Variants in ABTB3 observed in about 807,000 individuals in gnomAD.
ABTB3 encodes ankyrin repeat- and BTB/POZ domain-containing protein 3.
At chr12:107,628,888 C>G in the ABTB3 span, among the ~76,000 whole-genome samples, 1 of 152,310 alleles carries the variant, frequency 6.6e-6, no homozygotes, top group African/African-American at 2.4e-5. Flanking sequence ...AGGGCCAGAA[C>G]TAGGACCCCC....
chr12:107,462,844 T>C, the ABTB3 span, among the ~76,000 whole-genome samples: 1 of 151,746 alleles, frequency 6.6e-6, no homozygotes, highest in African/African-American at 2.4e-5. Context: ...GTGGTGATGA[T>C]AATAGTAGTG....
At chr12:107,435,989 T>A in the ABTB3 span, among the ~76,000 whole-genome samples, 1 of 152,228 alleles carries the variant, frequency 6.6e-6, no homozygotes, top group Non-Finnish European at 1.5e-5. Context: ...TAAGTAGCCA[T>A]GCCTGACTAG....
the ABTB3 span, among the ~76,000 whole-genome samples, chr12:107,638,500 G>A: frequency 1.3e-5 from 2 of 152,266 alleles, no homozygotes; most frequent in South Asian, 4.1e-4. Flanking sequence ...TTTCTTTTCA[G>A]CACAGCCCCT....
chr12:107,629,785 T>A, the ABTB3 span, among the ~76,000 whole-genome samples: 1 of 152,150 alleles, frequency 6.6e-6, no homozygotes, highest in Non-Finnish European at 1.5e-5. Context: ...CAACCACCAC[T>A]CATTCCCGCC....
the ABTB3 span, among the ~76,000 whole-genome samples, chr12:107,478,532 GAATT>G: frequency 1.6e-4 from 24 of 152,262 alleles, no homozygotes; most frequent in Non-Finnish European, 2.6e-4. Context: ...TTAAAGAAAA[GAATT>G]AATTAATCCA....
At chr12:107,479,425 G>A in the ABTB3 span, among the ~76,000 whole-genome samples, 1 of 151,884 alleles carries the variant, frequency 6.6e-6, no homozygotes, top group African/African-American at 2.4e-5. Context: ...TCTGCATCTC[G>A]GTGTCCACAT....
chr12:107,642,750 C>A, the ABTB3 span, among the ~76,000 whole-genome samples: 3 of 152,192 alleles, frequency 2.0e-5, no homozygotes, highest in Admixed American at 2.0e-4. Context: ...TAGCATTAGT[C>A]TAAATCTACC....
the ABTB3 span, among the ~76,000 whole-genome samples, chr12:107,487,473 G>A: frequency 2.0e-5 from 3 of 152,152 alleles, no homozygotes; most frequent in South Asian, 6.2e-4. Flanking sequence ...CAGTGCCAGA[G>A]TCTATTTACC....
the ABTB3 span, among the ~76,000 whole-genome samples, chr12:107,585,684 G>T: frequency 2.0e-5 from 3 of 152,194 alleles, no homozygotes; most frequent in Non-Finnish European, 4.4e-5. Context: ...TTTGTTATTT[G>T]TCTGGTGTGG....
chr12:107,510,747 C>T, the ABTB3 span, among the ~76,000 whole-genome samples: 1 of 151,844 alleles, frequency 6.6e-6, no homozygotes, highest in Admixed American at 6.6e-5. Flanking sequence ...ATGGCAAAAC[C>T]CCCTCTCTAC....
chr12:107,508,066 A>AGATGGATG, the ABTB3 span, among the ~76,000 whole-genome samples: 394 of 146,948 alleles, frequency 2.7e-3, 3 homozygotes, highest in African/African-American at 8.8e-3. Context: ...AAGGGTAGAA[A>AGATGGATG]GATGGATGGA....
At chr12:107,336,468 C>T in the ABTB3 span, among the ~76,000 whole-genome samples, 3 of 114,714 alleles carry the variant, frequency 2.6e-5, no homozygotes, top group Non-Finnish European at 4.9e-5. Flanking sequence ...TCTCTCTGAG[C>T]CTCAGTTTCC....
chr12:107,351,082 C>T, the ABTB3 span, among the ~76,000 whole-genome samples: 1 of 152,106 alleles, frequency 6.6e-6, no homozygotes, highest in Non-Finnish European at 1.5e-5. Flanking sequence ...TGAAAGGGGT[C>T]CTACAAGGTT....
At chr12:107,502,858 G>A in the ABTB3 span, among the ~76,000 whole-genome samples, 1 of 152,114 alleles carries the variant, frequency 6.6e-6, no homozygotes. Flanking sequence ...CTGGCCCCAC[G>A]ACCCACCAGT....
At chr12:107,356,648 A>C in the ABTB3 span, among the ~76,000 whole-genome samples, 1 of 152,084 alleles carries the variant, frequency 6.6e-6, no homozygotes, top group Admixed American at 6.6e-5. Flanking sequence ...AAAATGTTCC[A>C]CCCTGTGTGC....
chr12:107,620,115 T>G, the ABTB3 span: 1 of 1,614,006 alleles, frequency 6.2e-7, no homozygotes, highest in African/African-American at 1.3e-5. Context: ...ACGGAGGAGC[T>G]CGTTACCCAA....
At chr12:107,503,617 T>C in the ABTB3 span, among the ~76,000 whole-genome samples, 1 of 150,944 alleles carries the variant, frequency 6.6e-6, no homozygotes. Flanking sequence ...ATTAGCCAGG[T>C]GTGGTGGTTC....
the ABTB3 span, among the ~76,000 whole-genome samples, chr12:107,385,562 G>C: frequency 1.3e-5 from 2 of 152,290 alleles, no homozygotes; most frequent in African/African-American, 4.8e-5. Flanking sequence ...CTGCTGGCTG[G>C]GGTGAGGTTC....
chr12:107,583,118 G>A, the ABTB3 span, among the ~76,000 whole-genome samples: 414 of 152,320 alleles, frequency 2.7e-3, 9 homozygotes, highest in East Asian at 0.042. Flanking sequence ...TTTCCCATGA[G>A]TAATGTGGAA....
Sources: allele counts gnomAD v4.1 joint callset (sites outside exome capture counted in the v4.1 genomes callset), GRCh38; gene constraint gnomAD v4.1.1; transcripts MANE v1.5; gene names NCBI Gene and HGNC (gene_info 2026-07-23, HGNC 2026-07-21).